Variants in EXOC4 observed in about 807,000 individuals in gnomAD.
EXOC4 encodes exocyst complex component 4.
Under a neutral mutation model 107.2 loss-of-function variants are expected in EXOC4, and 71 were observed. The observed-to-expected ratio is 0.66, with a 90% CI of 0.55 to 0.81. The LOEUF is 0.81. EXOC4 is among the 30% of genes least tolerant of loss of function. The probability of loss-of-function intolerance (pLI) is 0.00; values close to 1 mark genes in which losing one functional copy is unlikely to be tolerated. For synonymous variants in EXOC4, 456 were observed against 441.2 expected (o/e 1.03, Z -0.42); for missense variants, 1,108 against 1,189.6 (o/e 0.93, Z 1.01).
Position 133,693,558 on chromosome 7 carries a change from C to T in EXOC4, c.1514+63417C>T, listed in dbSNP as rs189735757. 2.0e-5 allele frequency among the ~76,000 whole-genome samples: 3 copies of T among 152,326 alleles called. No individual in the cohort carries two copies. The East Asian group carries it at 5.8e-4, about 29-fold the overall frequency. ...GTTGACACCCAATATTAACCCATCA[C>T]ACTCCTAATTACACAGTTAGAAAGT... On this transcript the variant is annotated intron_variant, in intron 10 of 17. Transcript: ENST00000253861.
At chr7:133,332,158 G>A (rs755066170) in intron 5 of EXOC4, among the ~76,000 whole-genome samples, 24 of 152,078 alleles carry the variant, frequency 1.6e-4, no homozygotes, top group Non-Finnish European at 2.2e-4. Context: ...TGCTTCTGCT[G>A]GGATTTCGTG....
intron 7 of EXOC4, among the ~76,000 whole-genome samples, chr7:133,451,416 A>G (rs1021815521): frequency 5.3e-5 from 8 of 151,998 alleles, no homozygotes; most frequent in Non-Finnish European, 1.0e-4. Flanking sequence ...TTAGCTCTAA[A>G]TGGGATTTCA....
intron 7 of EXOC4, among the ~76,000 whole-genome samples, chr7:133,431,491 A>G (rs961621780): frequency 8.5e-5 from 13 of 152,210 alleles, no homozygotes; most frequent in Non-Finnish European, 8.8e-5. Context: ...AAAATTCACA[A>G]CTAATTATCT....
At chr7:133,889,435 ATTATAC>A (rs1349371180) in intron 11 of EXOC4, among the ~76,000 whole-genome samples, 4 of 149,322 alleles carry the variant, frequency 2.7e-5, no homozygotes, top group Non-Finnish European at 5.9e-5. Flanking sequence ...ATTTTTTTTA[ATTATAC>A]TTTAAGTTTT....
At chr7:134,100,562 G>A in the EXOC4 span, among the ~76,000 whole-genome samples, 1 of 129,024 alleles carries the variant, frequency 7.8e-6, no homozygotes, top group African/African-American at 2.7e-5. Flanking sequence ...TCAGCAGTTC[G>A]GTTCTACTGG....
intron 11 of EXOC4, among the ~76,000 whole-genome samples, chr7:133,879,790 A>T (rs923391793): frequency 4.3e-4 from 65 of 152,214 alleles, no homozygotes; most frequent in Admixed American, 3.3e-3. Context: ...TTCTTTTTTA[A>T]GCCAGAGAAT....
chr7:133,780,818 A>G (rs1332956921), intron 10 of EXOC4, among the ~76,000 whole-genome samples: 2 of 152,202 alleles, frequency 1.3e-5, no homozygotes, highest in East Asian at 3.9e-4. Context: ...AGGGAGATCT[A>G]AAGGGGGCAC....
At chr7:133,325,209 C>T (rs1795209642) in intron 5 of EXOC4, among the ~76,000 whole-genome samples, 1 of 152,196 alleles carries the variant, frequency 6.6e-6, no homozygotes, top group Admixed American at 6.5e-5. Context: ...AGCCCATTTA[C>T]ATTCAAGGGT....
intron 5 of EXOC4, among the ~76,000 whole-genome samples, chr7:133,330,694 TTC>T (rs1584819560): frequency 6.6e-6 from 1 of 150,972 alleles, no homozygotes; most frequent in African/African-American, 2.5e-5. Context: ...CCCTCACAGC[TTC>T]TGTTGGGTAG....
At position 133,926,001 on chromosome 7, in the gene EXOC4, T is replaced by G. The variant is rs1186701031; in HGVS notation, c.2027+8263T>G. 2.2e-5 allele frequency among the ~76,000 whole-genome samples: 3 copies of G among 138,252 alleles called. No homozygotes were observed. In the Admixed American group the frequency reaches 2.3e-4, roughly 11 times the overall value. 90.7% of individuals were successfully genotyped at this position (138,252 alleles called of 152,430 possible). Reference sequence around the variant, plus strand: ...TTGCAGTGAGCCGAGATTGCGCCACTGACTGCACACCTGCCTAGGCAACAG... The same window carrying G: ...TTGCAGTGAGCCGAGATTGCGCCACGGACTGCACACCTGCCTAGGCAACAG... On this transcript the variant is annotated intron_variant, in intron 13 of 17. Coordinates refer to ENST00000253861, the MANE Select transcript of EXOC4 (RefSeq NM_021807.4).
intron 9 of EXOC4, among the ~76,000 whole-genome samples, chr7:133,546,311 C>T (rs1405215742): frequency 7.4e-6 from 1 of 134,530 alleles, no homozygotes; most frequent in Non-Finnish European, 1.5e-5. Flanking sequence ...GGCTGGAGTG[C>T]AGTGGCACGA....
At chr7:133,848,653 A>T (rs1216023705) in intron 11 of EXOC4, among the ~76,000 whole-genome samples, 2 of 152,210 alleles carry the variant, frequency 1.3e-5, no homozygotes, top group Admixed American at 1.3e-4. Context: ...AATATCTTTC[A>T]TACTTTCCTT....
At chr7:133,958,805 T>C (rs1453002084) in intron 14 of EXOC4, among the ~76,000 whole-genome samples, 1 of 152,200 alleles carries the variant, frequency 6.6e-6, no homozygotes, top group Admixed American at 6.5e-5. Flanking sequence ...ACTGGAGTTT[T>C]AGTTTCTGAA....
At chr7:133,502,214 A>T (rs770595133) in intron 9 of EXOC4, among the ~76,000 whole-genome samples, 1 of 152,074 alleles carries the variant, frequency 6.6e-6, no homozygotes, top group Non-Finnish European at 1.5e-5. Context: ...TGAGATTGCT[A>T]TTAAGACAAT....
intron 10 of EXOC4, among the ~76,000 whole-genome samples, chr7:133,697,559 T>C (rs1261251953): frequency 6.6e-6 from 1 of 152,204 alleles, no homozygotes; most frequent in Admixed American, 6.5e-5. Context: ...AAAAAATTAT[T>C]CTTGGCACTT....
chr7:133,359,794 C>T (rs1796099065), intron 6 of EXOC4, among the ~76,000 whole-genome samples: 2 of 152,126 alleles, frequency 1.3e-5, no homozygotes, highest in African/African-American at 4.8e-5. Context: ...GCTTTTAATT[C>T]CTACAGAGCC....
intron 9 of EXOC4, among the ~76,000 whole-genome samples, chr7:133,593,067 C>T (rs1801587621): frequency 1.3e-5 from 2 of 152,184 alleles, no homozygotes; most frequent in Admixed American, 1.3e-4. Context: ...GATATTAAAG[C>T]TTATACTTTC....
the EXOC4 span, among the ~76,000 whole-genome samples, chr7:134,083,443 C>T: frequency 1.3e-5 from 2 of 152,208 alleles, no homozygotes; most frequent in East Asian, 3.9e-4. Flanking sequence ...TATTCTATCT[C>T]ATGATACCAT....
chr7:133,778,788 G>T (rs1466365858), intron 10 of EXOC4, among the ~76,000 whole-genome samples: 1 of 152,160 alleles, frequency 6.6e-6, no homozygotes, highest in Non-Finnish European at 1.5e-5. Context: ...CTATAATGTG[G>T]TCTCTGTTAT....
Sources: gnomAD v4.1 joint callset for allele counts (sites outside exome capture counted in the v4.1 genomes callset) on GRCh38, gnomAD v4.1.1 for gene constraint, MANE v1.5 for transcripts, NCBI Gene and HGNC (gene_info 2026-07-23, HGNC 2026-07-21) for gene names.